Variants in KIFAP3 observed in about 807,000 individuals in gnomAD.
KIFAP3 encodes the protein kinesin-associated protein 3.
KIFAP3 carries 68 observed loss-of-function variants against 106.5 expected under a neutral mutation model. The ratio of observed to expected loss-of-function variants is 0.64; its 90% CI spans 0.53 to 0.78. The LOEUF (loss-of-function observed/expected upper bound fraction) is 0.78. Ranked by LOEUF, KIFAP3 falls within the 30% of genes least tolerant of loss-of-function variation. The pLI, the probability that KIFAP3 is intolerant of heterozygous loss-of-function variation, is 0.00. For missense variants in KIFAP3, 780 were observed against 941.8 expected, an observed-to-expected ratio of 0.83 and a Z score of 2.25; for synonymous variants, 320 against 311.5, an observed-to-expected ratio of 1.03 and a Z score of -0.29.
intron 10 of KIFAP3, among the ~76,000 whole-genome samples, chr1:170,009,790 G>A (rs1002032717): frequency 2.6e-5 from 4 of 152,090 alleles, no homozygotes; most frequent in African/African-American, 9.7e-5. Context: ...AAGCACCCTT[G>A]AGACATATCA....
chr1:169,997,767 A>G (rs906330261), intron 10 of KIFAP3, among the ~76,000 whole-genome samples: 2 of 151,530 alleles, frequency 1.3e-5, no homozygotes, highest in African/African-American at 4.9e-5. Context: ...CTACTCAGGA[A>G]GCTGAGATGT....
intron 10 of KIFAP3, among the ~76,000 whole-genome samples, chr1:170,007,645 C>A (rs1301910995): frequency 1.3e-5 from 2 of 152,096 alleles, no homozygotes; most frequent in African/African-American, 4.8e-5. Flanking sequence ...GAAAAACATT[C>A]CACGCTCATG....
chr1:169,936,721 C>G (rs1401790249), intron 19 of KIFAP3, among the ~76,000 whole-genome samples: 1 of 151,494 alleles, frequency 6.6e-6, no homozygotes, highest in East Asian at 1.9e-4. Flanking sequence ...CAATGAATGA[C>G]ACACTCCACA....
intron 10 of KIFAP3, among the ~76,000 whole-genome samples, chr1:169,992,555 T>C (rs953727484): frequency 3.9e-5 from 6 of 152,138 alleles, no homozygotes; most frequent in Non-Finnish European, 1.5e-5. Context: ...ATTGGGTCAT[T>C]AGCCTCCCCA....
At chr1:169,994,427 T>G (rs915583788) in intron 10 of KIFAP3, among the ~76,000 whole-genome samples, 2 of 152,228 alleles carry the variant, frequency 1.3e-5, no homozygotes, top group Non-Finnish European at 2.9e-5. Flanking sequence ...CACTGATATA[T>G]GAGGGAATTA....
At position 170,038,416 on chromosome 1, in the gene KIFAP3, T is replaced by C. The variant is rs187257317; in HGVS notation, c.391A>G (p.Asn131Asp). 3.7e-5 allele frequency: 59 copies of C among 1,606,760 alleles called. 1 individual carries two copies. The East Asian group carries it at 1.3e-3, about 34-fold the overall frequency. ...ATATATTCATCCATGTCATTAATGT[T>C]AGCAACTTCATCAATCTGAAACAAA... is the stretch of plus-strand genomic sequence containing the variant. Reference protein sequence around the residue: ...FEGMEIDEVANINDMDEYIEL... With the variant: ...FEGMEIDEVADINDMDEYIEL... Residue 131 changes from asparagine (N) to aspartate (D), a missense_variant, in exon 5 of 20, where the codon AAC becomes GAC. Asn to Asp is a conservative substitution (Grantham distance 23). Around this residue, in one of 3 missense-constraint regions of KIFAP3, gnomAD observed 588 missense variants for 678.9 expected, o/e 0.87. Coordinates refer to ENST00000361580, the MANE Select transcript of KIFAP3 (RefSeq NM_014970.4).
upstream of KIFAP3, among the ~76,000 whole-genome samples, chr1:170,078,164 A>C (rs1671955253): frequency 6.6e-6 from 1 of 152,060 alleles, no homozygotes; most frequent in South Asian, 2.1e-4. Flanking sequence ...TTCTACCAAC[A>C]ATGTATGAGT....
intron 19 of KIFAP3, among the ~76,000 whole-genome samples, chr1:169,922,270 GGCCAAATCATACCATAA>G (rs1662869339): frequency 1.3e-5 from 2 of 151,962 alleles, no homozygotes. Flanking sequence ...TCTCATGCAG[GGCCAAATCATACCATAA>G]GCCTATGATT....
chr1:170,063,116 G>T lies in KIFAP3; in HGVS notation c.33-7680C>A, dbSNP rs187300053. On this transcript the variant is annotated intron_variant, in intron 1 of 19. Transcript: ENST00000361580. ...AAAGGCCCCAATATTAGAATTACGGGAGGGACCTAAATTCTGCTAAGCCAG... is the reference window on the plus strand; with the variant it reads ...AAAGGCCCCAATATTAGAATTACGGTAGGGACCTAAATTCTGCTAAGCCAG... Among the ~76,000 whole-genome samples, 278 of 152,214 alleles carry T rather than the reference G, an allele frequency of 1.8e-3. 1 individual carries two copies. The highest frequency in any genetic ancestry group is 6.5e-3 in the African/African-American group (271 of 41,534).
At chr1:170,041,705 AAC>A in intron 3 of KIFAP3, 1 of 1,535,212 alleles carries the variant, frequency 6.5e-7, no homozygotes, top group Non-Finnish European at 8.7e-7. Context: ...GGAGTACAGA[AAC>A]AGTTTCTGAA....
chr1:170,081,367 C>T lies in KIFAP3; in HGVS notation n.174+3668G>A, dbSNP rs182176460. 7.9e-4 allele frequency among the ~76,000 whole-genome samples: 121 copies of T among 152,282 alleles called. 1 individual carries two copies. The highest frequency in any genetic ancestry group is 2.7e-3 in the African/African-American group (114 of 41,570). On this transcript the variant is annotated intron_variant and non_coding_transcript_variant, in intron 1 of 5. Coordinates refer to the KIFAP3 transcript ENST00000490550. ...ACTATTATACACCTATATTAGTTTT[C>T]TATTGCTGCAGTAACAAATGGTAAC...
intron 3 of KIFAP3, chr1:170,041,594 G>A (rs190688618): frequency 3.3e-5 from 36 of 1,076,340 alleles, no homozygotes; most frequent in African/African-American, 1.6e-4. Flanking sequence ...TCAGAGGCCC[G>A]GAGATGAGTC....
chr1:169,955,305 C>A (rs565999837), intron 18 of KIFAP3, among the ~76,000 whole-genome samples: 1 of 152,222 alleles, frequency 6.6e-6, no homozygotes, highest in South Asian at 2.1e-4. Flanking sequence ...CAATACATAA[C>A]CTCTGTTTTT....
intron 9 of KIFAP3, among the ~76,000 whole-genome samples, chr1:170,018,920 A>C (rs532760158): frequency 1.3e-5 from 2 of 152,268 alleles, no homozygotes; most frequent in African/African-American, 4.8e-5. Flanking sequence ...ATTGCCAAAG[A>C]CTTCCAAAAA....
chr1:170,032,035 AC>A (rs1442165575), intron 7 of KIFAP3, 51 bp from the exon 8 acceptor site: 2 of 1,013,564 alleles, frequency 2.0e-6, no homozygotes, highest in Non-Finnish European at 3.1e-6. Context: ...AAAAAAATCT[AC>A]TGATAAATTC....
In KIFAP3 at chr1:170,070,059, C is replaced by T. The variant is rs181766820; in HGVS notation, c.32+4377G>A. ...TATGAAAAGGAAATTTAGAAAACTT[C>T]ATTTCCAATAGCATCAAAAAGAATA... On this transcript the variant is annotated intron_variant, in intron 1 of 19. Coordinates refer to ENST00000361580, the MANE Select transcript of KIFAP3 (RefSeq NM_014970.4). 3.6e-3 allele frequency among the ~76,000 whole-genome samples: 547 copies of T among 152,062 alleles called. 7 individuals carry two copies. Among genetic ancestry groups the T allele is most frequent in the African/African-American group, 0.012 (497 of 41,532 alleles).
chr1:170,082,110 A>G (rs1672028621), intron 1 of KIFAP3, among the ~76,000 whole-genome samples: 1 of 152,190 alleles, frequency 6.6e-6, no homozygotes. Context: ...AAAAATGAAA[A>G]CATATGTCCA....
intron 14 of KIFAP3, 128 bp downstream of exon 14, chr1:169,982,572 GAA>G: frequency 1.9e-6 from 1 of 533,752 alleles, no homozygotes; most frequent in Non-Finnish European, 3.2e-6. Context: ...CTTTCTGGGA[GAA>G]GAGAGCTGTG....
chr1:170,032,105 A>G (rs968786343), intron 7 of KIFAP3, 121 bp from the exon 8 acceptor site: 1 of 616,308 alleles, frequency 1.6e-6, no homozygotes, highest in Non-Finnish European at 2.9e-6. Context: ...TTTTCTCACC[A>G]AAAGTTTAAC....
Sources: allele counts gnomAD v4.1 joint callset (sites outside exome capture counted in the v4.1 genomes callset), GRCh38; gene constraint gnomAD v4.1.1; regional missense constraint gnomAD v4.1.1; transcripts MANE v1.5; gene names NCBI Gene and HGNC (gene_info 2026-07-23, HGNC 2026-07-21).